The following PARD3B variants were observed in gnomAD, a reference collection of about 807,000 sequenced individuals.
PARD3B encodes the protein par-3 family cell polarity regulator beta.
A neutral mutation model predicts 130.2 loss-of-function variants in PARD3B; 103 were observed. That is an observed-to-expected ratio of 0.79 (90% confidence interval 0.67 to 0.93). PARD3B has a LOEUF of 0.93. Among genes scored for constraint, PARD3B ranks in the 40% least tolerant of loss-of-function variants. The pLI is 0.00. For missense variants in PARD3B, 1,609 were observed against 1,499.2 expected (o/e 1.07, Z -1.21); for synonymous variants, 583 against 553.2 (o/e 1.05, Z -0.76).
chr2:205,607,293 T>C (rs1296882110), intron 22 of PARD3B, among the ~76,000 whole-genome samples: 1 of 151,486 alleles, frequency 6.6e-6, no homozygotes, highest in Non-Finnish European at 1.5e-5. Context: ...TTTTTAGAAA[T>C]GTGTTTCCAA....
chr2:205,547,944 G>A (rs1479940193), intron 21 of PARD3B, among the ~76,000 whole-genome samples: 7 of 152,138 alleles, frequency 4.6e-5, no homozygotes, highest in African/African-American at 1.7e-4. Context: ...AAGAAGGGTG[G>A]ATTGGATGAA....
chr2:204,882,355 TTGGAGGATAATAATCAGATAATCC>T, intron 2 of PARD3B, among the ~76,000 whole-genome samples: 1 of 152,338 alleles, frequency 6.6e-6, no homozygotes, highest in Admixed American at 6.5e-5. Flanking sequence ...ATTACCTCTT[TTGGAGGATAATAATCAGATAATCC>T]TTCTATAATC....
chr2:204,766,460 C>A (rs1050312134), intron 2 of PARD3B, among the ~76,000 whole-genome samples: 4 of 152,092 alleles, frequency 2.6e-5, no homozygotes, highest in Non-Finnish European at 2.9e-5. Context: ...TGTCATTAGC[C>A]TGAAGTTTGT....
At chr2:205,003,665 G>T (rs1695031734) in intron 3 of PARD3B, among the ~76,000 whole-genome samples, 1 of 152,122 alleles carries the variant, frequency 6.6e-6, no homozygotes. Context: ...TTATTTTTAT[G>T]TTTGTTGTCT....
chr2:204,882,114 T>C (rs924091802), intron 2 of PARD3B, among the ~76,000 whole-genome samples: 2 of 152,180 alleles, frequency 1.3e-5, no homozygotes, highest in Non-Finnish European at 2.9e-5. Context: ...AGCTATAAAC[T>C]GACTTTTGCT....
intron 2 of PARD3B, among the ~76,000 whole-genome samples, chr2:204,815,825 A>T (rs2043126752): frequency 6.6e-6 from 1 of 151,840 alleles, no homozygotes; most frequent in South Asian, 2.1e-4. Flanking sequence ...TTTTCTGGAG[A>T]TGTTTTGTTA....
chr2:205,165,750 T>G (rs1180361113), intron 11 of PARD3B, among the ~76,000 whole-genome samples: 2 of 84,648 alleles, frequency 2.4e-5, no homozygotes, highest in African/African-American at 9.5e-5. Context: ...AATAAATAAA[T>G]AAATAAATAA....
intron 1 of PARD3B, among the ~76,000 whole-genome samples, chr2:204,627,366 T>G (rs1455311960): frequency 2.6e-5 from 4 of 152,300 alleles, no homozygotes; most frequent in Non-Finnish European, 2.9e-5. Context: ...TCAACATTAT[T>G]TATATTTTAT....
chr2:205,308,778 C>T (rs1207412), intron 18 of PARD3B, among the ~76,000 whole-genome samples: 14,074 of 152,170 alleles, frequency 0.092, 724 homozygotes, highest in Middle Eastern at 0.11. Flanking sequence ...GGTCAATTTA[C>T]ATGGTGTCAA....
chr2:205,419,063 A>G (rs890622948), intron 19 of PARD3B, among the ~76,000 whole-genome samples: 7 of 152,200 alleles, frequency 4.6e-5, no homozygotes, highest in Non-Finnish European at 1.0e-4. Flanking sequence ...ATATATATAC[A>G]TACAGTAATA....
chr2:205,103,720 G>T (rs1034696702), intron 4 of PARD3B: 2 of 985,270 alleles, frequency 2.0e-6, no homozygotes, highest in African/African-American at 3.5e-5. Context: ...TAAGGAAGCA[G>T]CAGCATCAGG....
At chr2:204,965,473 T>G in intron 3 of PARD3B, 150 bp downstream of exon 3, 2 of 848,278 alleles carry the variant, frequency 2.4e-6, no homozygotes, top group Non-Finnish European at 3.5e-6. Context: ...ACATAGCTCT[T>G]TGCAGCCACT....
At chr2:204,648,633 T>G (rs1344346336) in intron 1 of PARD3B, among the ~76,000 whole-genome samples, 1 of 119,068 alleles carries the variant, frequency 8.4e-6, no homozygotes, top group African/African-American at 3.3e-5. Context: ...AATTTATATA[T>G]AATATATATT....
chr2:204,614,323 A>G (rs2034032824), intron 1 of PARD3B, among the ~76,000 whole-genome samples: 1 of 151,130 alleles, frequency 6.6e-6, no homozygotes, highest in Admixed American at 6.6e-5. Flanking sequence ...ATTTTTTTAT[A>G]CTGTCTTTAA....
chr2:205,255,868 G>T (rs146108411), intron 16 of PARD3B, among the ~76,000 whole-genome samples: 98 of 152,122 alleles, frequency 6.4e-4, no homozygotes, highest in African/African-American at 2.2e-3. Context: ...GGAGGCTTCC[G>T]TAAGTAGGTA....
At chr2:205,399,023 C>G (rs1288950108) in intron 18 of PARD3B, among the ~76,000 whole-genome samples, 1 of 152,058 alleles carries the variant, frequency 6.6e-6, no homozygotes, top group African/African-American at 2.4e-5. Flanking sequence ...AATCCCAGCA[C>G]TTTGGGAGGC....
intron 2 of PARD3B, among the ~76,000 whole-genome samples, chr2:204,717,679 A>G (rs1444684436): frequency 1.3e-5 from 2 of 152,216 alleles, no homozygotes; most frequent in Non-Finnish European, 2.9e-5. Context: ...TGTCAAATAA[A>G]GGCAGGTGGC....
intron 2 of PARD3B, among the ~76,000 whole-genome samples, chr2:204,845,904 CTA>C (rs2044444932): frequency 6.6e-6 from 1 of 151,688 alleles, no homozygotes; most frequent in Non-Finnish European, 1.5e-5. Flanking sequence ...ACATATATGC[CTA>C]TATAAAAGTG....
chr2:205,127,589 G>T (rs1275222857), intron 10 of PARD3B, among the ~76,000 whole-genome samples: 1 of 152,152 alleles, frequency 6.6e-6, no homozygotes, highest in Non-Finnish European at 1.5e-5. Context: ...AAGTAGACCT[G>T]ATCTGTTTCT....
Sources: allele counts gnomAD v4.1 joint callset (sites outside exome capture counted in the v4.1 genomes callset), GRCh38; gene constraint gnomAD v4.1.1; transcripts MANE v1.5; gene names NCBI Gene and HGNC (gene_info 2026-07-23, HGNC 2026-07-21).